Variants in TMEM63C observed in about 807,000 individuals in gnomAD.
The protein encoded by TMEM63C is transmembrane protein 63C.
A neutral mutation model predicts 99.2 loss-of-function variants in TMEM63C; 32 were observed. That is an observed-to-expected ratio of 0.32 (90% CI 0.24 to 0.43). TMEM63C has a LOEUF of 0.43. Among genes scored for constraint, TMEM63C ranks in the 20% least tolerant of loss-of-function variants. The pLI is 1.00. For synonymous variants in TMEM63C, 376 were observed against 397.9 expected (o/e 0.94, Z 0.66); for missense variants, 826 against 1,053.0 (o/e 0.78, Z 2.98).
chr14:77,216,587 C>T (rs1247530792), intron 2 of TMEM63C, among the ~76,000 whole-genome samples: 3 of 152,204 alleles, frequency 2.0e-5, no homozygotes, highest in Admixed American at 6.5e-5. Flanking sequence ...TTCCATCCTG[C>T]ACTTTCTGCC....
At chr14:77,226,110 A>G (rs905576029) in intron 6 of TMEM63C, among the ~76,000 whole-genome samples, 4 of 152,090 alleles carry the variant, frequency 2.6e-5, no homozygotes, top group African/African-American at 9.7e-5. Context: ...ACACATGCAC[A>G]CTCATACATA....
In TMEM63C at chr14:77,256,628, G is replaced by C. The variant is rs988905593; in HGVS notation, c.2323G>C (p.Gly775Arg). 2 of 1,614,012 alleles carry C rather than the reference G, an allele frequency of 1.2e-6. No homozygotes were observed. The highest frequency in any genetic ancestry group is 8.5e-7 in the Non-Finnish European group (1 of 1,179,882). Residue 775 changes from glycine to arginine, a missense_variant, in exon 24 of 24, where the codon GGA becomes CGA. Gly to Arg is a moderately radical substitution (Grantham distance 125, BLOSUM62 -2). Transcript: ENST00000298351. Reference protein sequence around the residue: ...YGTMNNQPEEGEEESGLRGFA... With the variant: ...YGTMNNQPEEREEESGLRGFA... ...CACCATGAACAACCAGCCGGAAGAG[G>C]GAGAAGAAGAGAGTGGTCTGAGGGG...
chr14:77,239,759 G>A, intron 12 of TMEM63C, 33 bp downstream of exon 12: 1 of 1,607,686 alleles, frequency 6.2e-7, no homozygotes, highest in Non-Finnish European at 8.5e-7. Flanking sequence ...GCACAGCAAG[G>A]GAGCGGTGGG....
chr14:77,243,305 G>T (rs890549543), intron 15 of TMEM63C, among the ~76,000 whole-genome samples: 1 of 152,306 alleles, frequency 6.6e-6, no homozygotes, highest in East Asian at 1.9e-4. Flanking sequence ...CCACAGGCAG[G>T]TCCTGGGGTG....
intron 18 of TMEM63C, 30 bp from the exon 19 acceptor site, chr14:77,248,317 T>C: frequency 6.3e-7 from 1 of 1,576,028 alleles, no homozygotes; most frequent in East Asian, 2.3e-5. Context: ...GTGGCTTCTG[T>C]TGCCACCTTC....
chr14:77,257,519 T>TACCCA lies in TMEM63C; in HGVS notation c.*793_*794insACCCA, dbSNP rs1889488162. The TACCCA allele has an allele frequency of 6.6e-6, 1 of 152,056 alleles. No individual in the cohort carries two copies. Among genetic ancestry groups the TACCCA allele is most frequent in the African/African-American group, 2.4e-5 (1 of 41,356 alleles). The allele number at this position is 152,056 out of a possible 1,614,324, so 9.4% of individuals were successfully genotyped here. A position where few individuals can be genotyped will look rare whatever the true frequency, so the allele number is the denominator to read the frequency against. ...CCTTGCTGGGTAACACAAAGTGGGG[T>TACCCA]GAGACGACAGAAGCCGAATTCATGG... On this transcript the variant is annotated 3_prime_UTR_variant, in exon 24 of 24. Coordinates refer to ENST00000298351, the MANE Select transcript of TMEM63C (RefSeq NM_020431.4).
chr14:77,231,455 A>G (rs1200602685), intron 6 of TMEM63C, 133 bp from the exon 7 acceptor site: 2 of 895,052 alleles, frequency 2.2e-6, no homozygotes, highest in Non-Finnish European at 1.6e-6. Flanking sequence ...TATATATGAG[A>G]TATAGAGATA....
chr14:77,242,066 G>T (rs750664392), intron 13 of TMEM63C, among the ~76,000 whole-genome samples: 36 of 151,662 alleles, frequency 2.4e-4, no homozygotes, highest in Non-Finnish European at 4.4e-4. Flanking sequence ...TGCTGTCACT[G>T]CTGTTAAGGG....
chr14:77,241,243 G>C (rs375131097), intron 13 of TMEM63C, among the ~76,000 whole-genome samples: 45 of 151,940 alleles, frequency 3.0e-4, no homozygotes, highest in African/African-American at 1.0e-3. Context: ...GAGCCACTGC[G>C]CCCAGCTGAC....
chr14:77,191,538 C>CTTTTTTTTTTTTTTTTTTT (rs71125542), intron 1 of TMEM63C, among the ~76,000 whole-genome samples: 166 of 82,598 alleles, frequency 2.0e-3, no homozygotes, highest in East Asian at 3.6e-3. Context: ...TTTTCTTTTT[C>CTTTTTTTTTTTTTTTTTTT]TTTTTTTTTT....
rs1291303760 is a variant in TMEM63C, at chr14:77,233,441, T to C, written c.494-11T>C. The C allele has an allele frequency of 6.2e-7, 1 of 1,612,908 alleles. No homozygotes were observed. Among genetic ancestry groups the C allele is most frequent in the African/African-American group, 1.3e-5 (1 of 75,028 alleles). Reference sequence around the variant, plus strand: ...GCCAGGCTCGAGGTCAGCAACTTCTTTCTCTTTCAGACTGGAGCAGTCACT... The same window carrying C: ...GCCAGGCTCGAGGTCAGCAACTTCTCTCTCTTTCAGACTGGAGCAGTCACT... On this transcript the variant is annotated splice_polypyrimidine_tract_variant and intron_variant, in intron 7 of 23. Transcript: ENST00000298351.
chr14:77,191,693 C>T (rs918070907), intron 1 of TMEM63C, among the ~76,000 whole-genome samples: 3 of 151,862 alleles, frequency 2.0e-5, no homozygotes, highest in African/African-American at 4.8e-5. Context: ...CACAGGCATG[C>T]GCCACCAAGC....
At chr14:77,223,124 G>A (rs1040371258) in intron 5 of TMEM63C, among the ~76,000 whole-genome samples, 2 of 152,266 alleles carry the variant, frequency 1.3e-5, no homozygotes, top group African/African-American at 4.8e-5. Flanking sequence ...TCTCTTGAAG[G>A]CTTCCTGGAT....
rs140603280 is a variant in TMEM63C, at chr14:77,208,316, C to T, written c.-76-5130C>T. ...GGGCCATTACTGGAGCCACAGAGTT[C>T]ACGTCCTTTCACCTGCTATCTAGGG... On this transcript the variant is annotated intron_variant, in intron 1 of 23. Coordinates refer to ENST00000298351, the MANE Select transcript of TMEM63C (RefSeq NM_020431.4). 7.8e-3 allele frequency among the ~76,000 whole-genome samples: 1,192 copies of T among 152,266 alleles called. 10 individuals are homozygous for T. Among genetic ancestry groups the T allele is most frequent in the African/African-American group, 0.028 (1,151 of 41,562 alleles).
intron 1 of TMEM63C, among the ~76,000 whole-genome samples, chr14:77,200,532 C>G (rs1445506888): frequency 6.6e-6 from 1 of 152,238 alleles, no homozygotes; most frequent in Non-Finnish European, 1.5e-5. Flanking sequence ...ATCACTGGAC[C>G]AGCTGTGCTC....
chr14:77,226,979 G>A (rs1340258354), intron 6 of TMEM63C, among the ~76,000 whole-genome samples: 1 of 152,068 alleles, frequency 6.6e-6, no homozygotes, highest in Non-Finnish European at 1.5e-5. Flanking sequence ...TGTTGGCCAG[G>A]CTGGCCTCAA....
rs184717394 is a variant in TMEM63C, at chr14:77,248,200, G to C, written c.1602-147G>C. On this transcript the variant is annotated intron_variant, in intron 18 of 23. Transcript: ENST00000298351. The stretch of plus-strand genomic sequence containing the variant: ...TAGGAGAGAGACAGAGAAAAAGAAA[G>C]AGAGGAAATGTTATTCTCCTTGTCT... The C allele has an allele frequency of 7.2e-4, 510 of 708,054 alleles. 3 individuals carry two copies. The African/African-American group carries it at 8.4e-3, about 12-fold the overall frequency. The allele number at this position is 708,054 out of a possible 1,614,324, so 43.9% of individuals were successfully genotyped here.
chr14:77,248,528 C>A lies in TMEM63C; in HGVS notation c.1764+19C>A. The A allele has an allele frequency of 6.4e-7, 1 of 1,568,906 alleles. No homozygotes were observed. ...CAGAAAGGTACAGACTGGCTCTCCGCTGAGCACAGCCCTCAGTTTCCTTTG... is the reference window on the plus strand; with the variant it reads ...CAGAAAGGTACAGACTGGCTCTCCGATGAGCACAGCCCTCAGTTTCCTTTG... On this transcript the variant is annotated intron_variant, in intron 19 of 23. Coordinates refer to ENST00000298351, the MANE Select transcript of TMEM63C (RefSeq NM_020431.4).
chr14:77,201,281 G>A (rs1888297259), intron 1 of TMEM63C: 2 of 152,278 alleles, frequency 1.3e-5, no homozygotes, highest in South Asian at 4.1e-4. Context: ...AGGGGTCTGT[G>A]TACCCACTAG....
Sources: gnomAD v4.1 joint callset for allele counts (sites outside exome capture counted in the v4.1 genomes callset) on GRCh38, gnomAD v4.1.1 for gene constraint, MANE v1.5 for transcripts, NCBI Gene and HGNC (gene_info 2026-07-23, HGNC 2026-07-21) for gene names.